Variants in PPM1E observed in about 807,000 individuals in gnomAD.
PPM1E encodes protein phosphatase 1E.
Under a neutral mutation model 65.9 loss-of-function variants are expected in PPM1E, and 20 were observed. That is an observed-to-expected ratio of 0.30 (90% CI 0.21 to 0.44). The LOEUF (loss-of-function observed/expected upper bound fraction) is 0.44. PPM1E is among the 20% of genes least tolerant of loss of function. PPM1E has a pLI of 1.00. For synonymous variants in PPM1E, 352 were observed against 374.9 expected, an observed-to-expected ratio of 0.94 and a Z score of 0.70; for missense variants, 713 against 953.1, an observed-to-expected ratio of 0.75 and a Z score of 3.32.
intron 1 of PPM1E, among the ~76,000 whole-genome samples, chr17:58,923,278 C>G (rs2051777130): frequency 8.6e-6 from 1 of 116,220 alleles, no homozygotes; most frequent in African/African-American, 3.2e-5. Context: ...GAGTGAGACC[C>G]TATCTCAAAA....
chr17:58,806,052 A>C (rs2050311357), intron 1 of PPM1E, among the ~76,000 whole-genome samples: 2 of 150,690 alleles, frequency 1.3e-5, no homozygotes, highest in African/African-American at 2.4e-5. Flanking sequence ...AAGTACTGTC[A>C]ATTCTCTCCT....
rs1020985649 is a variant in PPM1E at position 58,983,181 on chromosome 17, C to T, written c.*2150C>T. ...GGATTTTGTAGGTCCGACTACACAG[C>T]AGTGTTAACTCATTTCTCATGCCAT... is the stretch of plus-strand genomic sequence containing the variant. On this transcript the variant is annotated 3_prime_UTR_variant, in exon 7 of 7. Coordinates refer to ENST00000308249, the MANE Select transcript of PPM1E (RefSeq NM_014906.5). 2.5e-5 allele frequency: 10 copies of T among 401,132 alleles called. No homozygotes were observed. The highest frequency in any genetic ancestry group is 4.1e-5 in the Non-Finnish European group (9 of 221,978). The allele number at this position is 401,132 out of a possible 1,614,324, so 24.8% of individuals were successfully genotyped here. A position where few individuals can be genotyped will look rare whatever the true frequency, so the allele number is the denominator to read the frequency against.
intron 1 of PPM1E, among the ~76,000 whole-genome samples, chr17:58,812,132 C>G (rs1465700435): frequency 1.3e-5 from 2 of 150,332 alleles, no homozygotes; most frequent in Non-Finnish European, 3.0e-5. Context: ...TTTTAATTCT[C>G]TAATAAGAAT....
At chr17:58,774,711 CTTAT>C in intron 1 of PPM1E, among the ~76,000 whole-genome samples, 1 of 152,040 alleles carries the variant, frequency 6.6e-6, no homozygotes, top group African/African-American at 2.4e-5. Context: ...TGTAGATTTT[CTTAT>C]TTGTGTATGT....
chr17:58,768,498 G>A (rs530715259), intron 1 of PPM1E, among the ~76,000 whole-genome samples: 8 of 152,188 alleles, frequency 5.3e-5, no homozygotes, highest in Admixed American at 2.6e-4. Flanking sequence ...CTTTGGAGGC[G>A]GATAGGGTGG....
intron 1 of PPM1E, among the ~76,000 whole-genome samples, chr17:58,942,814 T>TA (rs1165231066): frequency 7.3e-6 from 1 of 137,138 alleles, no homozygotes; most frequent in Non-Finnish European, 1.6e-5. Context: ...CCCTAAAACT[T>TA]AAAGTATAAT....
At chr17:58,913,469 C>G (rs575018080) in intron 1 of PPM1E, among the ~76,000 whole-genome samples, 1 of 152,276 alleles carries the variant, frequency 6.6e-6, no homozygotes, top group South Asian at 2.1e-4. Flanking sequence ...ATGGGTTCTT[C>G]TTGCCCACTG....
chr17:58,977,071 A>G (rs936943704), intron 6 of PPM1E, among the ~76,000 whole-genome samples: 1 of 152,174 alleles, frequency 6.6e-6, no homozygotes. Flanking sequence ...CTAACAGGCT[A>G]TGGAGGCACC....
chr17:58,884,600 CTT>C (rs1227466720), intron 1 of PPM1E, among the ~76,000 whole-genome samples: 2 of 152,072 alleles, frequency 1.3e-5, no homozygotes, highest in Non-Finnish European at 2.9e-5. Flanking sequence ...CTGGGAGTCT[CTT>C]ATGTTATTTC....
rs565296838 is a variant in PPM1E at position 58,782,408 on chromosome 17, T to G, written c.464+25947T>G. 1.8e-4 allele frequency among the ~76,000 whole-genome samples: 27 copies of G among 151,116 alleles called. No individual in the cohort carries two copies. The East Asian group carries it at 4.1e-3, about 23-fold the overall frequency. ...AACAATCTTAACTCAGGTTTTTGTT[T>G]TTTTTTTTTTTGAGATGGAGTCTTG... On this transcript the variant is annotated intron_variant, in intron 1 of 6. Coordinates refer to ENST00000308249, the MANE Select transcript of PPM1E (RefSeq NM_014906.5).
intron 1 of PPM1E, among the ~76,000 whole-genome samples, chr17:58,805,998 A>AAAAAAAAAAAAAAAAAAAAAAT (rs1679805703): frequency 7.3e-6 from 1 of 137,302 alleles, no homozygotes; most frequent in Admixed American, 7.0e-5. Context: ...AACAAAACAA[A>AAAAAAAAAAAAAAAAAAAAAAT]ACAAAAAAAA....
At chr17:58,894,787 T>C (rs1598635172) in intron 1 of PPM1E, among the ~76,000 whole-genome samples, 1 of 152,216 alleles carries the variant, frequency 6.6e-6, no homozygotes, top group African/African-American at 2.4e-5. Context: ...TTACAACTTA[T>C]ATTTTTTGTA....
intron 6 of PPM1E, among the ~76,000 whole-genome samples, chr17:58,974,159 C>A (rs2030847288): frequency 6.6e-6 from 1 of 151,986 alleles, no homozygotes; most frequent in Admixed American, 6.6e-5. Context: ...TAGTGTTTCT[C>A]ATTTCATTGC....
At chr17:58,906,911 G>T (rs2051564982) in intron 1 of PPM1E, among the ~76,000 whole-genome samples, 1 of 151,838 alleles carries the variant, frequency 6.6e-6, no homozygotes, top group Non-Finnish European at 1.5e-5. Flanking sequence ...AATTTCTCTT[G>T]AAAATTTTTC....
chr17:58,982,999 A>C lies in PPM1E; in HGVS notation c.*1968A>C. On this transcript the variant is annotated 3_prime_UTR_variant, in exon 7 of 7. Transcript: ENST00000308249. Reference sequence around the variant, plus strand: ...AAAGTGCTTAGCGAAGTAAAAAAAAAAGCTTTTTAAAATTTCTATTGTTGT... The same window carrying C: ...AAAGTGCTTAGCGAAGTAAAAAAAACAGCTTTTTAAAATTTCTATTGTTGT... 1 of 1,363,632 alleles carries C rather than the reference A, an allele frequency of 7.3e-7. No individual in the cohort carries two copies. The highest frequency in any genetic ancestry group is 1.3e-5 in the South Asian group (1 of 75,608). The allele number at this position is 1,363,632 out of a possible 1,614,324, so 84.5% of individuals were successfully genotyped here.
intron 1 of PPM1E, among the ~76,000 whole-genome samples, chr17:58,847,078 G>T (rs2050779142): frequency 6.6e-6 from 1 of 152,120 alleles, no homozygotes; most frequent in African/African-American, 2.4e-5. Context: ...TTTTTGAGAA[G>T]TGTCTGTTCA....
chr17:58,980,722 A>C lies in PPM1E; in HGVS notation c.1959A>C (p.Glu653Asp), dbSNP rs1001578068. The change falls in exon 7 of 7, where the codon GAA (glutamate) becomes GAC (aspartate). Residue 653 changes from glutamate (E) to aspartate (D), a missense_variant. Physicochemically the swap from Glu to Asp is conservative, Grantham distance 45. Around this residue, in one of 6 missense-constraint regions of PPM1E, gnomAD observed 286 missense variants for 313.8 expected, o/e 0.91. Transcript: ENST00000308249. The surrounding 1 kb of genome is among the most constrained non-coding windows in gnomAD (Gnocchi z 4.7). ...TGTCTCCTGTCTGTTCAGGGTTGGA[A>C]AATGAACAGTTCAAATCCCCGGGAA... ...QSLSPVCSGLENEQFKSPGNR... is the reference protein window; with the variant it reads ...QSLSPVCSGLDNEQFKSPGNR... The C allele has an allele frequency of 6.2e-7, 1 of 1,614,102 alleles. No individual in the cohort carries two copies. Among genetic ancestry groups the C allele is most frequent in the African/African-American group, 1.3e-5 (1 of 74,936 alleles).
At chr17:58,846,776 G>T (rs1008567394) in intron 1 of PPM1E, among the ~76,000 whole-genome samples, 2 of 152,092 alleles carry the variant, frequency 1.3e-5, no homozygotes, top group Non-Finnish European at 2.9e-5. Flanking sequence ...AATCCTTTGG[G>T]TATATGCCCA....
intron 1 of PPM1E, among the ~76,000 whole-genome samples, chr17:58,806,035 T>C (rs573250824): frequency 2.4e-4 from 36 of 148,966 alleles, no homozygotes; most frequent in Non-Finnish European, 4.7e-4. Context: ...TGATACTTAA[T>C]TGTAGTAAGT....
Sources: allele counts gnomAD v4.1 joint callset (sites outside exome capture counted in the v4.1 genomes callset), GRCh38; gene constraint gnomAD v4.1.1; regional missense constraint gnomAD v4.1.1; non-coding constraint Gnocchi (gnomAD v3.1); transcripts MANE v1.5; gene names NCBI Gene and HGNC (gene_info 2026-07-23, HGNC 2026-07-21).